Variants in MYO1E observed in about 807,000 individuals in gnomAD.
MYO1E encodes the protein unconventional myosin-Ie.
In MYO1E, 68 loss-of-function variants were observed where a neutral mutation model predicts 151.1. The ratio of observed to expected loss-of-function variants is 0.45; its 90% CI spans 0.37 to 0.55. The LOEUF (loss-of-function observed/expected upper bound fraction) is 0.55. MYO1E is among the 20% of genes least tolerant of loss of function. The probability of loss-of-function intolerance (pLI) is 0.00; values close to 1 mark genes in which losing one functional copy is unlikely to be tolerated. For missense variants in MYO1E, 1,363 were observed against 1,389.3 expected, an observed-to-expected ratio of 0.98 and a Z score of 0.30; for synonymous variants, 601 against 501.7, an observed-to-expected ratio of 1.20 and a Z score of -2.64.
chr15:59,151,427 TCAAA>T (rs1207929005), intron 26 of MYO1E, among the ~76,000 whole-genome samples: 4 of 151,442 alleles, frequency 2.6e-5, no homozygotes, highest in Admixed American at 1.3e-4. Context: ...AGACTCCATC[TCAAA>T]CAAACAAAAA....
rs780053874 is a variant in MYO1E at position 59,231,706 on chromosome 15, C to T, written c.506G>A (p.Arg169Gln). The T allele has an allele frequency of 3.7e-6, 6 of 1,613,886 alleles. No homozygotes were observed. The highest frequency in any genetic ancestry group is 1.7e-5 in the Admixed American group (1 of 60,008). ...TGAAACAGGGAAGGGACTTACAAAT[C>T]GGCTGGAGTTGTTGTTCCGGACGGT... ...AKTVRNNNSSRFGKYFEIQFS... is the reference protein window; with the variant it reads ...AKTVRNNNSSQFGKYFEIQFS... The change falls in exon 6 of 28, where the codon CGA becomes CAA. Residue 169 changes from arginine (R) to glutamine (Q), a missense_variant. Arg to Gln is a conservative substitution (Grantham distance 43). Coordinates refer to ENST00000288235, the MANE Select transcript of MYO1E (RefSeq NM_004998.4).
chr15:59,332,714 ATTTTTT>A (rs1279082983), intron 1 of MYO1E, among the ~76,000 whole-genome samples: 1 of 147,232 alleles, frequency 6.8e-6, no homozygotes, highest in Admixed American at 6.8e-5. Flanking sequence ...CTGGCGCTCT[ATTTTTT>A]TTTTTAATTT....
chr15:59,347,022 G>A (rs1352279914), intron 1 of MYO1E, among the ~76,000 whole-genome samples: 1 of 152,176 alleles, frequency 6.6e-6, no homozygotes, highest in African/African-American at 2.4e-5. Context: ...CCATGTCTGT[G>A]GGTATAAGGC....
At chr15:59,182,346 G>A (rs756427111) in intron 18 of MYO1E, among the ~76,000 whole-genome samples, 4 of 152,090 alleles carry the variant, frequency 2.6e-5, no homozygotes, top group Non-Finnish European at 5.9e-5. Flanking sequence ...CTGAGTAGCT[G>A]GGACTACAGG....
intron 18 of MYO1E, among the ~76,000 whole-genome samples, chr15:59,187,025 T>C (rs1383364796): frequency 6.6e-6 from 1 of 152,250 alleles, no homozygotes; most frequent in African/African-American, 2.4e-5. Context: ...AGGTTAAATA[T>C]TTTAAGCTTA....
intron 1 of MYO1E, among the ~76,000 whole-genome samples, chr15:59,330,077 T>C (rs948714697): frequency 1.2e-4 from 18 of 152,348 alleles, no homozygotes; most frequent in African/African-American, 4.3e-4. Flanking sequence ...TTATTCTGCA[T>C]GTGGATTTCT....
intron 1 of MYO1E, among the ~76,000 whole-genome samples, chr15:59,280,676 G>A (rs1392452358): frequency 6.6e-6 from 1 of 151,360 alleles, no homozygotes; most frequent in Non-Finnish European, 1.5e-5. Context: ...TAGCTTAACT[G>A]GCAGTTTTTT....
At chr15:59,191,833 GC>G (rs1250505589) in intron 17 of MYO1E, among the ~76,000 whole-genome samples, 1 of 152,152 alleles carries the variant, frequency 6.6e-6, no homozygotes, top group Non-Finnish European at 1.5e-5. Flanking sequence ...CCTAGGCTAT[GC>G]CAACTCCATC....
At chr15:59,313,813 A>G (rs750647989) in intron 1 of MYO1E, among the ~76,000 whole-genome samples, 1 of 152,214 alleles carries the variant, frequency 6.6e-6, no homozygotes, top group African/African-American at 2.4e-5. Context: ...AGTTCCCTGG[A>G]AGTCTAAAAG....
At chr15:59,252,311 G>A (rs568582963) in intron 4 of MYO1E, among the ~76,000 whole-genome samples, 3 of 152,180 alleles carry the variant, frequency 2.0e-5, no homozygotes, top group Admixed American at 6.5e-5. Flanking sequence ...AGCGGGGTGC[G>A]GTGCCTCGTG....
At chr15:59,143,234 A>T (rs1011991103) in intron 26 of MYO1E, among the ~76,000 whole-genome samples, 5 of 152,146 alleles carry the variant, frequency 3.3e-5, no homozygotes, top group Non-Finnish European at 5.9e-5. Flanking sequence ...TTGGCCCTTT[A>T]TCACTAGGCT....
intron 1 of MYO1E, among the ~76,000 whole-genome samples, chr15:59,362,972 C>CTTT (rs1459198698): frequency 3.8e-5 from 3 of 79,012 alleles, no homozygotes; most frequent in African/African-American, 3.6e-5. Context: ...TCTAGTATGA[C>CTTT]TTTCTTTTTT....
intron 26 of MYO1E, among the ~76,000 whole-genome samples, chr15:59,142,383 C>A (rs570643243): frequency 6.6e-6 from 1 of 152,084 alleles, no homozygotes; most frequent in Non-Finnish European, 1.5e-5. Flanking sequence ...TCGCCAGGGT[C>A]GGGGTAAGAC....
At chr15:59,197,113 C>T (rs1192474649) in intron 16 of MYO1E, among the ~76,000 whole-genome samples, 1 of 150,350 alleles carries the variant, frequency 6.7e-6, no homozygotes, top group East Asian at 2.0e-4. Flanking sequence ...CTGCCTCCGC[C>T]TCCCGAGTAG....
At chr15:59,233,738 C>T (rs1378881046) in intron 5 of MYO1E, among the ~76,000 whole-genome samples, 1 of 149,084 alleles carries the variant, frequency 6.7e-6, no homozygotes, top group African/African-American at 2.5e-5. Context: ...CTCTCAGGAT[C>T]CAGTACAATC....
rs548791040 is a variant in MYO1E at position 59,271,004 on chromosome 15, CAG to C, written c.147+1300_147+1301del. ...AACTATATCTGTTAATCCTTGAAAA[CAG>C]AGGTTCAGAGGTTTAACTACAGATA... is the stretch of plus-strand genomic sequence containing the variant. On this transcript the variant is annotated intron_variant, in intron 2 of 27. Coordinates refer to ENST00000288235, the MANE Select transcript of MYO1E (RefSeq NM_004998.4). 7.0e-4 allele frequency: 106 copies of C among 152,288 alleles called. 1 individual carries two copies. The highest frequency in any genetic ancestry group is 2.4e-3 in the African/African-American group (101 of 41,556). 9.4% of individuals were successfully genotyped at this position (152,288 alleles called of 1,614,324 possible).
At chr15:59,239,143 T>G (rs1171267842) in intron 4 of MYO1E, among the ~76,000 whole-genome samples, 2 of 150,814 alleles carry the variant, frequency 1.3e-5, no homozygotes, top group Non-Finnish European at 3.0e-5. Context: ...GAGGCAGAGG[T>G]TGCATTGAGC....
chr15:59,288,081 T>C (rs2080397880), intron 1 of MYO1E, among the ~76,000 whole-genome samples: 1 of 152,224 alleles, frequency 6.6e-6, no homozygotes, highest in African/African-American at 2.4e-5. Flanking sequence ...CAAACAATTA[T>C]TCCTTAACTC....
chr15:59,145,774 C>A (rs1302331074), intron 26 of MYO1E, among the ~76,000 whole-genome samples: 1 of 152,196 alleles, frequency 6.6e-6, no homozygotes, highest in Non-Finnish European at 1.5e-5. Context: ...AATGGTGAGA[C>A]TGCCCATGTT....
Sources: gnomAD v4.1 joint callset for allele counts (sites outside exome capture counted in the v4.1 genomes callset) on GRCh38, gnomAD v4.1.1 for gene constraint, MANE v1.5 for transcripts, NCBI Gene and HGNC (gene_info 2026-07-23, HGNC 2026-07-21) for gene names.